The following CAPN10 variants were observed in gnomAD, a reference collection of about 807,000 sequenced individuals.
CAPN10 encodes the protein calpain-10.
In CAPN10, 71 loss-of-function variants were observed where a neutral mutation model predicts 78.4. That is an observed-to-expected ratio of 0.91 (90% confidence interval 0.75 to 1.10). The LOEUF (loss-of-function observed/expected upper bound fraction) is 1.10, where lower values mean the gene tolerates loss of function less well. Among genes scored for constraint, CAPN10 ranks in the 50% least tolerant of loss-of-function variants. The pLI is 0.00. For missense variants in CAPN10, 849 were observed against 924.6 expected (o/e 0.92, Z 1.06); for synonymous variants, 437 against 407.2 (o/e 1.07, Z -0.88).
rs1181023918 is a variant in CAPN10, at chr2:240,591,922, G to A, written c.471-11G>A. On this transcript the variant is annotated splice_polypyrimidine_tract_variant and intron_variant, in intron 3 of 11. Transcript: ENST00000391984. ...CCAGAGGCTCACTCCCATGGTGATT[G>A]TGTCCCCTAGGGTCCATGGGTCCTA... 1 of 1,609,286 alleles carries A rather than the reference G, an allele frequency of 6.2e-7. No individual in the cohort carries two copies.
intron 7 of CAPN10, 42 bp from the exon 8 acceptor site, chr2:240,596,277 C>T (rs1344360810): frequency 2.6e-6 from 4 of 1,560,236 alleles, no homozygotes; most frequent in Non-Finnish European, 3.5e-6. Flanking sequence ...GCGTCTGACC[C>T]CGGCCGCTCC....
chr2:240,594,902 G>C (rs2093126784), intron 6 of CAPN10, 122 bp from the exon 7 acceptor site: 1 of 782,862 alleles, frequency 1.3e-6, no homozygotes, highest in Non-Finnish European at 1.8e-6. Context: ...CTTGTGGGAG[G>C]GGCTGGCTCT....
intron 9 of CAPN10, among the ~76,000 whole-genome samples, chr2:240,597,684 C>A (rs12465143): frequency 6.6e-6 from 1 of 152,096 alleles, no homozygotes; most frequent in African/African-American, 2.4e-5. Context: ...GGCCTCCAGG[C>A]GGGGGCCCCA....
chr2:240,599,066 T>G lies in CAPN10; in HGVS notation c.*386T>G. 3.7e-6 allele frequency: 1 copy of G among 270,684 alleles called. No individual in the cohort carries two copies. The highest frequency in any genetic ancestry group is 7.1e-6 in the Non-Finnish European group (1 of 141,582). 16.8% of individuals were successfully genotyped at this position (270,684 alleles called of 1,614,324 possible). ...TTTATTGTTCGAATCACTTTTAGGA[T>G]GTAACTTTATAAATAAACATGAGCG... is the stretch of plus-strand genomic sequence containing the variant. On this transcript the variant is annotated 3_prime_UTR_variant, in exon 12 of 12. Coordinates refer to ENST00000391984, the MANE Select transcript of CAPN10 (RefSeq NM_023083.4).
In CAPN10 at chr2:240,586,970, C is replaced by A; in HGVS notation, c.59C>A (p.Pro20His). The A allele has an allele frequency of 6.7e-7, 1 of 1,482,756 alleles. No homozygotes were observed. The highest frequency in any genetic ancestry group is 9.0e-7 in the Non-Finnish European group (1 of 1,116,394). 91.8% of individuals were successfully genotyped at this position (1,482,756 alleles called of 1,614,324 possible). ...ARELFRDAAF[P>H]AADSSLFCDL... ...GAGCTGTTCCGGGACGCCGCCTTCC[C>A]CGCCGCGGACTCCTCGCTCTTCTGC... The change falls in exon 1 of 12, where the codon CCC becomes CAC. Residue 20 changes from proline (P) to histidine (H), a missense_variant. Transcript: ENST00000391984.
chr2:240,597,568 C>T (rs1237850520), intron 9 of CAPN10, among the ~76,000 whole-genome samples: 2 of 152,164 alleles, frequency 1.3e-5, no homozygotes, highest in Admixed American at 6.5e-5. Flanking sequence ...CCTGGGCCAC[C>T]GGCTCAGGTC....
chr2:240,593,858 G>A (rs199621802), intron 4 of CAPN10, 48 bp from the exon 5 acceptor site: 542 of 1,538,936 alleles, frequency 3.5e-4, no homozygotes, highest in Middle Eastern at 5.3e-4. Flanking sequence ...GTCAGTTTGG[G>A]ACTCCATGGT....
chr2:240,598,002 G>A lies in CAPN10; in HGVS notation c.1858G>A (p.Ala620Thr), dbSNP rs1171881171. Residue 620 changes from alanine to threonine, a missense_variant, in exon 10 of 12, where the codon GCG (alanine) becomes ACG (threonine). Ala to Thr is a moderately conservative substitution (Grantham distance 58). Transcript: ENST00000391984. ...QEVSRLCLLPAGTYKVVPSTY... is the reference protein window; with the variant it reads ...QEVSRLCLLPTGTYKVVPSTY... ...GGTGAGCCGGCTCTGCCTCCTGCCT[G>A]CGGGCACCTACAAGGTTGTGCCCTC... The A allele has an allele frequency of 6.2e-7, 1 of 1,613,254 alleles. No individual in the cohort carries two copies.
At position 240,599,034 on chromosome 2, in the gene CAPN10, A is replaced by G. The variant is rs982912781; in HGVS notation, c.*354A>G. On this transcript the variant is annotated 3_prime_UTR_variant, in exon 12 of 12. Coordinates refer to ENST00000391984, the MANE Select transcript of CAPN10 (RefSeq NM_023083.4). ...GAGGGTAGGGCAGCAGATCTTCTTT[A>G]TAACTATTTATTGTTCGAATCACTT... is the stretch of plus-strand genomic sequence containing the variant. 13 of 383,138 alleles carry G rather than the reference A, an allele frequency of 3.4e-5. No individual in the cohort carries two copies. The highest frequency in any genetic ancestry group is 6.1e-5 in the South Asian group (1 of 16,306). 23.7% of individuals were successfully genotyped at this position (383,138 alleles called of 1,614,324 possible).
At position 240,596,760 on chromosome 2, in the gene CAPN10, G is replaced by A. The variant is rs1396909915; in HGVS notation, c.1561G>A (p.Gly521Ser). The A allele has an allele frequency of 6.2e-7, 1 of 1,610,700 alleles. No homozygotes were observed. The highest frequency in any genetic ancestry group is 8.5e-7 in the Non-Finnish European group (1 of 1,178,510). ...GGAGTGGGGGACCGTGCAGCTACGGGGTTCTTGGAGAGTCGGCCAGACGGC... is the reference window on the plus strand; with the variant it reads ...GGAGTGGGGGACCGTGCAGCTACGGAGTTCTTGGAGAGTCGGCCAGACGGC... ...AGEWGTVQLR[G>S]SWRVGQTAGG... is the part of the protein sequence containing the mutation. The change falls in exon 9 of 12, where the codon GGT (glycine) becomes AGT (serine). Residue 521 changes from glycine (G) to serine (S), a missense_variant. By Grantham distance (56) the Gly-to-Ser change is moderately conservative (BLOSUM62 0). Transcript: ENST00000391984.
chr2:240,596,374 G>A lies in CAPN10; in HGVS notation c.1334G>A (p.Gly445Asp). 6.2e-7 allele frequency: 1 copy of A among 1,612,946 alleles called. No homozygotes were observed. The highest frequency in any genetic ancestry group is 8.5e-7 in the Non-Finnish European group (1 of 1,179,738). The change falls in exon 8 of 12, where the codon GGC (glycine) becomes GAC (aspartate). Residue 445 changes from glycine to aspartate, a missense_variant. Physicochemically the swap from Gly to Asp is moderately conservative, Grantham distance 94 (BLOSUM62 -1). Coordinates refer to ENST00000391984, the MANE Select transcript of CAPN10 (RefSeq NM_023083.4). ...PRVLSMPPVA[G>D]TACHAYDREV... ...GTCCTGTCCATGCCCCCCGTGGCTG[G>A]CACCGCGTGCCATGCATACGACCGG... is the stretch of plus-strand genomic sequence containing the variant.
In CAPN10 at chr2:240,599,085, A is replaced by C; in HGVS notation, c.*405A>C. On this transcript the variant is annotated 3_prime_UTR_variant, in exon 12 of 12. Coordinates refer to ENST00000391984, the MANE Select transcript of CAPN10 (RefSeq NM_023083.4). The stretch of plus-strand genomic sequence containing the variant: ...TTAGGATGTAACTTTATAAATAAAC[A>C]TGAGCGCTGATGATTTGCAGATCAG... The C allele has an allele frequency of 2.3e-5, 5 of 215,242 alleles. No homozygotes were observed. The highest frequency in any genetic ancestry group is 3.8e-5 in the Non-Finnish European group (4 of 106,526). The allele number at this position is 215,242 out of a possible 1,614,324, so 13.3% of individuals were successfully genotyped here.
chr2:240,594,310 C>G, intron 5 of CAPN10: 1 of 610,304 alleles, frequency 1.6e-6, no homozygotes, highest in Non-Finnish European at 2.9e-6. Context: ...AAGACGCATC[C>G]AGAGGCGTGA....
chr2:240,594,060 G>T lies in CAPN10; in HGVS notation c.830+13G>T, dbSNP rs751700794. 3 of 1,573,334 alleles carry T rather than the reference G, an allele frequency of 1.9e-6. No individual in the cohort carries two copies. The highest frequency in any genetic ancestry group is 2.3e-5 in the South Asian group (2 of 87,390). On this transcript the variant is annotated intron_variant, in intron 5 of 11. Transcript: ENST00000391984. ...TCTGGAGAGAGGGGTGAGTGCTGGG[G>T]CCTGGACCATGCTGCTGTCGGGAGG...
intron 10 of CAPN10, 61 bp from the exon 11 acceptor site, chr2:240,598,291 G>A: frequency 6.3e-7 from 1 of 1,582,874 alleles, no homozygotes; most frequent in South Asian, 1.1e-5. Flanking sequence ...TGGGCCAGGA[G>A]CACACAGCCA....
At position 240,589,352 on chromosome 2, in the gene CAPN10, G is replaced by A; in HGVS notation, c.151G>A (p.Ala51Thr). ...ACTTTCTGTATCTCAGGAGATTTGT[G>A]CCACACCCCGGCTGTTTCCAGATGA... ...ITWRRPQEICATPRLFPDDPR... is the reference protein window; with the variant it reads ...ITWRRPQEICTTPRLFPDDPR... Residue 51 changes from alanine to threonine, a missense_variant, in exon 2 of 12, where the codon GCC becomes ACC. Coordinates refer to ENST00000391984, the MANE Select transcript of CAPN10 (RefSeq NM_023083.4). The A allele has an allele frequency of 1.2e-6, 2 of 1,614,162 alleles. No individual in the cohort carries two copies. The highest frequency in any genetic ancestry group is 1.7e-6 in the Non-Finnish European group (2 of 1,180,032).
In CAPN10 at chr2:240,593,764, A is replaced by G. The variant is rs554009514; in HGVS notation, c.689-142A>G. Reference sequence around the variant, plus strand: ...GCTAAGAAAGGAGCTCTCGTGGTCCATGGGGATCTGGGGTCTCCCGTGTAG... The same window carrying G: ...GCTAAGAAAGGAGCTCTCGTGGTCCGTGGGGATCTGGGGTCTCCCGTGTAG... On this transcript the variant is annotated intron_variant, in intron 4 of 11. Transcript: ENST00000391984. The G allele has an allele frequency of 2.4e-3, 2,302 of 941,818 alleles. 7 individuals carry two copies. Among genetic ancestry groups the G allele is most frequent in the Non-Finnish European group, 3.2e-3 (2,062 of 652,626 alleles). The allele number at this position is 941,818 out of a possible 1,614,324, so 58.3% of individuals were successfully genotyped here.
At chr2:240,592,588 C>T (rs550303089) in intron 4 of CAPN10, 24 of 450,934 alleles carry the variant, frequency 5.3e-5, no homozygotes, top group South Asian at 2.1e-4. Flanking sequence ...GTGGGAGTAT[C>T]GCTGGAGCCC....
At chr2:240,587,559 A>T (rs1262795801) in intron 1 of CAPN10, among the ~76,000 whole-genome samples, 1 of 152,260 alleles carries the variant, frequency 6.6e-6, no homozygotes, top group African/African-American at 2.4e-5. Context: ...TGCTGTGTTC[A>T]TATTTTTAGA....
Sources: gnomAD v4.1 joint callset for allele counts (sites outside exome capture counted in the v4.1 genomes callset) on GRCh38, gnomAD v4.1.1 for gene constraint, MANE v1.5 for transcripts, NCBI Gene and HGNC (gene_info 2026-07-23, HGNC 2026-07-21) for gene names.